OPHN1: variants seen among roughly 807,000 people sequenced by gnomAD.
OPHN1 encodes oligophrenin 1.
In OPHN1, 11 loss-of-function variants were observed where a neutral mutation model predicts 60.7. The observed-to-expected ratio is 0.18, with a 90% CI of 0.11 to 0.30. The LOEUF (loss-of-function observed/expected upper bound fraction) is 0.30. Among genes scored for constraint, OPHN1 ranks in the 10% least tolerant of loss-of-function variants. The pLI, the probability that OPHN1 is intolerant of heterozygous loss-of-function variation, is 1.00. For missense variants in OPHN1, 449 were observed against 611.0 expected (o/e 0.73, Z 2.80); for synonymous variants, 226 against 222.6 (o/e 1.02, Z -0.14).
At chrX:68,161,201 T>A (rs1294941537) in intron 15 of OPHN1, among the ~76,000 whole-genome samples, 1 of 110,179 alleles carries the variant, frequency 9.1e-6, no homozygotes, top group Non-Finnish European at 1.9e-5. Flanking sequence ...ATATAGAAAA[T>A]CTGAATAGGC....
intron 19 of OPHN1, among the ~76,000 whole-genome samples, chrX:68,089,304 G>A (rs1429650176): frequency 9.0e-6 from 1 of 111,278 alleles, no homozygotes; most frequent in Non-Finnish European, 1.9e-5. Context: ...GGCCATTGAG[G>A]GGAATGGACA....
chrX:68,147,029 T>C (rs954722114), intron 15 of OPHN1, among the ~76,000 whole-genome samples: 13 of 112,104 alleles, frequency 1.2e-4, no homozygotes, highest in African/African-American at 4.2e-4. Context: ...TTCTACAAAG[T>C]ATATTTAAGA....
chrX:68,325,287 C>T, intron 2 of OPHN1, among the ~76,000 whole-genome samples: 1 of 108,691 alleles, frequency 9.2e-6, no homozygotes, highest in Non-Finnish European at 1.9e-5. Flanking sequence ...ATCAGACTCT[C>T]CAATAAGCTA....
intron 2 of OPHN1, among the ~76,000 whole-genome samples, chrX:68,401,226 T>C (rs1414227206): frequency 8.9e-6 from 1 of 111,921 alleles, no homozygotes; most frequent in Non-Finnish European, 1.9e-5. Flanking sequence ...AAGGGAGATA[T>C]TCACAATACA....
intron 6 of OPHN1, among the ~76,000 whole-genome samples, chrX:68,232,273 A>G (rs982192370): frequency 8.9e-6 from 1 of 111,810 alleles, no homozygotes; most frequent in Non-Finnish European, 1.9e-5. Context: ...AGCAGGACTC[A>G]AAGTACTCAA....
intron 17 of OPHN1, 141 bp from the exon 18 acceptor site, chrX:68,112,100 C>G (rs769011794): frequency 2.4e-6 from 1 of 416,317 alleles, no homozygotes; most frequent in African/African-American, 2.8e-5. Flanking sequence ...GAGAGAGATT[C>G]GGAGAAAGAC....
chrX:68,180,679 C>T (rs1198492901), intron 15 of OPHN1, among the ~76,000 whole-genome samples: 2 of 111,764 alleles, frequency 1.8e-5, no homozygotes, highest in Non-Finnish European at 3.8e-5. Context: ...TAAAGAGAAC[C>T]GGAACCAAAG....
chrX:68,368,409 T>G (rs1340624373), intron 2 of OPHN1, among the ~76,000 whole-genome samples: 1 of 110,753 alleles, frequency 9.0e-6, no homozygotes, highest in East Asian at 2.9e-4. Flanking sequence ...GGACATGGTG[T>G]TGTGCACCCG....
chrX:68,170,832 A>C (rs1164457800), intron 15 of OPHN1, among the ~76,000 whole-genome samples: 1 of 105,313 alleles, frequency 9.5e-6, no homozygotes, highest in African/African-American at 3.4e-5. Context: ...ACCTAATGCT[A>C]AATGACGAGT....
intron 2 of OPHN1, among the ~76,000 whole-genome samples, chrX:68,349,189 G>T (rs1399197566): frequency 1.8e-5 from 2 of 109,812 alleles, no homozygotes; most frequent in Non-Finnish European, 3.8e-5. Context: ...AATCTACAAA[G>T]AACCTAAACA....
At chrX:68,426,355 C>T (rs970610456) in intron 2 of OPHN1, among the ~76,000 whole-genome samples, 2 of 106,521 alleles carry the variant, frequency 1.9e-5, no homozygotes, top group Non-Finnish European at 3.9e-5. Flanking sequence ...GCACCAGAAT[C>T]GCTTGAACCC....
At chrX:68,297,857 T>G (rs911591015) in intron 3 of OPHN1, among the ~76,000 whole-genome samples, 2 of 111,193 alleles carry the variant, frequency 1.8e-5, no homozygotes, top group Admixed American at 1.9e-4. Context: ...ATATTTAATA[T>G]GAACTACATT....
At chrX:68,318,713 G>A (rs66794406) in intron 2 of OPHN1, among the ~76,000 whole-genome samples, 23,392 of 110,330 alleles carry the variant, frequency 0.21, 2,286 homozygotes, top group African/African-American at 0.38. Context: ...TTTACCTAAG[G>A]TCTTTTTACT....
intron 5 of OPHN1, among the ~76,000 whole-genome samples, chrX:68,239,240 T>C (rs770296098): frequency 1.2e-4 from 5 of 42,812 alleles, no homozygotes; most frequent in African/African-American, 2.5e-4. Flanking sequence ...GTCCTCCTGG[T>C]GTCTGCCGGT....
intron 23 of OPHN1, 105 bp downstream of exon 23, chrX:68,052,435 T>C: frequency 1.3e-6 from 1 of 747,349 alleles, no homozygotes; most frequent in Non-Finnish European, 2.0e-6. Flanking sequence ...GACAGAGCTG[T>C]AGAGAAACAA....
At chrX:68,431,070 G>A (rs918523479) in intron 2 of OPHN1, among the ~76,000 whole-genome samples, 1 of 111,241 alleles carries the variant, frequency 9.0e-6, no homozygotes, top group African/African-American at 3.3e-5. Flanking sequence ...ACAGCACCAA[G>A]CAGTTTACTG....
In OPHN1 at chrX:68,119,121, C is replaced by T. The variant is rs563404996; in HGVS notation, c.1361+127G>A. ...TTGCACATTCTTGGCCAGAAATCCT[C>T]TTCACATGTTTTTTCTTAAGCAATT... On this transcript the variant is annotated intron_variant, in intron 16 of 24. Transcript: ENST00000355520. 32 of 508,255 alleles carry T rather than the reference C, an allele frequency of 6.3e-5. No homozygotes were observed. The South Asian group carries it at 9.0e-4, about 14-fold the overall frequency. 41.9% of individuals were successfully genotyped at this position (508,255 alleles called of 1,213,427 possible). A position where few individuals can be genotyped will look rare whatever the true frequency, so the allele number is the denominator to read the frequency against.
At chrX:68,229,657 T>A (rs1484940724) in intron 6 of OPHN1, among the ~76,000 whole-genome samples, 1 of 111,927 alleles carries the variant, frequency 8.9e-6, no homozygotes, top group East Asian at 2.8e-4. Flanking sequence ...AAACAAGCAA[T>A]GGGGAAACGA....
At chrX:68,374,101 T>A (rs56003530) in intron 2 of OPHN1, among the ~76,000 whole-genome samples, 4,838 of 111,222 alleles carry the variant, frequency 0.043, 118 homozygotes, top group Middle Eastern at 0.078. Context: ...CTCATGCCTG[T>A]AATCCTAGCA....
Sources: gnomAD v4.1 joint callset for allele counts (sites outside exome capture counted in the v4.1 genomes callset) on GRCh38, gnomAD v4.1.1 for gene constraint, MANE v1.5 for transcripts, NCBI Gene and HGNC (gene_info 2026-07-23, HGNC 2026-07-21) for gene names.